CAMK4: variants seen among roughly 807,000 people sequenced by gnomAD.
CAMK4 encodes the protein calcium/calmodulin-dependent protein kinase type IV.
CAMK4 carries 22 observed loss-of-function variants against 44.9 expected under a neutral mutation model. The observed-to-expected ratio is 0.49, with a 90% CI of 0.35 to 0.70. CAMK4 has a LOEUF of 0.70. Among genes scored for constraint, CAMK4 ranks in the 30% least tolerant of loss-of-function variants. The pLI is 0.01. For synonymous variants in CAMK4, 218 were observed against 215.4 expected (o/e 1.01, Z -0.11); for missense variants, 498 against 586.8 (o/e 0.85, Z 1.56).
At chr5:111,454,099 A>G in intron 7 of CAMK4, among the ~76,000 whole-genome samples, 1 of 152,300 alleles carries the variant, frequency 6.6e-6, no homozygotes, top group South Asian at 2.1e-4. Flanking sequence ...AATATATATA[A>G]AGAAAAATTT....
chr5:111,411,238 A>G (rs1752621447), intron 5 of CAMK4, among the ~76,000 whole-genome samples: 1 of 152,196 alleles, frequency 6.6e-6, no homozygotes, highest in Admixed American at 6.5e-5. Flanking sequence ...AGCATCCAGC[A>G]TCTTATTTTA....
At chr5:111,348,429 G>A (rs1749954665) in intron 2 of CAMK4, among the ~76,000 whole-genome samples, 1 of 151,806 alleles carries the variant, frequency 6.6e-6, no homozygotes, top group African/African-American at 2.4e-5. Flanking sequence ...TTAGATAACT[G>A]GATACTATGG....
intron 1 of CAMK4, among the ~76,000 whole-genome samples, chr5:111,240,259 A>G (rs1436904302): frequency 6.6e-6 from 1 of 152,066 alleles, no homozygotes; most frequent in African/African-American, 2.4e-5. Flanking sequence ...AATCACTGCA[A>G]CTTACCTGTG....
chr5:111,480,433 T>A (rs941131556), intron 9 of CAMK4, among the ~76,000 whole-genome samples: 8 of 152,124 alleles, frequency 5.3e-5, no homozygotes, highest in Non-Finnish European at 7.4e-5. Flanking sequence ...CCCCAGTTCA[T>A]AACAGTCATC....
At chr5:111,228,015 G>T (rs1368411702) in intron 1 of CAMK4, among the ~76,000 whole-genome samples, 3 of 152,314 alleles carry the variant, frequency 2.0e-5, no homozygotes, top group Middle Eastern at 3.4e-3. Flanking sequence ...ATCCCGCCCA[G>T]TGGTTTGGCA....
At chr5:111,467,668 G>T (rs765813192) in intron 7 of CAMK4, among the ~76,000 whole-genome samples, 1 of 152,108 alleles carries the variant, frequency 6.6e-6, no homozygotes, top group African/African-American at 2.4e-5. Context: ...CCTTACTCCT[G>T]CAAGAATGGC....
chr5:111,473,061 A>G (rs956653273), intron 7 of CAMK4, among the ~76,000 whole-genome samples: 3 of 152,152 alleles, frequency 2.0e-5, no homozygotes, highest in African/African-American at 7.2e-5. Context: ...GAGCAGTATC[A>G]TGATATTCTG....
chr5:111,251,398 G>C (rs1749485185), intron 1 of CAMK4, among the ~76,000 whole-genome samples: 1 of 152,104 alleles, frequency 6.6e-6, no homozygotes, highest in African/African-American at 2.4e-5. Context: ...GGGTGTCCAG[G>C]TTGGTCTTAG....
intron 5 of CAMK4, among the ~76,000 whole-genome samples, chr5:111,428,967 C>G (rs1003280024): frequency 2.6e-5 from 4 of 152,086 alleles, no homozygotes; most frequent in African/African-American, 9.7e-5. Flanking sequence ...CATGACATAT[C>G]AAAACCTATG....
chr5:111,350,318 A>G (rs1470588716), intron 2 of CAMK4, among the ~76,000 whole-genome samples: 1 of 152,076 alleles, frequency 6.6e-6, no homozygotes, highest in African/African-American at 2.4e-5. Flanking sequence ...ATATAATTTT[A>G]ATGTTCTCAT....
At chr5:111,474,372 C>G (rs1026376146) in intron 8 of CAMK4, among the ~76,000 whole-genome samples, 1 of 152,190 alleles carries the variant, frequency 6.6e-6, no homozygotes, top group African/African-American at 2.4e-5. Flanking sequence ...GCTGAGGGCC[C>G]TCTCTTGGCT....
Position 111,224,521 on chromosome 5 carries a change from C to T in CAMK4, c.38C>T (p.Ser13Phe). ...KVTVPSCSAS[S>F]CSSVTASAAP... ...ACGGTGCCCTCCTGCTCCGCCTCGT[C>T]CTGCTCTTCGGTCACCGCCAGTGCG... Residue 13 changes from serine to phenylalanine, a missense_variant, in exon 1 of 11, where the codon TCC becomes TTC. By Grantham distance (155) the Ser-to-Phe change is radical. Around this residue, in one of 3 missense-constraint regions of CAMK4, gnomAD observed 152 missense variants for 143.7 expected, o/e 1.06. Transcript: ENST00000282356. The surrounding 1 kb of genome is among the most constrained non-coding windows in gnomAD (Gnocchi z 5.7). 1 of 1,611,390 alleles carries T rather than the reference C, an allele frequency of 6.2e-7. No homozygotes were observed. The highest frequency in any genetic ancestry group is 1.7e-5 in the Admixed American group (1 of 59,914).
intron 4 of CAMK4, among the ~76,000 whole-genome samples, chr5:111,382,615 T>C (rs1430781210): frequency 6.6e-6 from 1 of 152,170 alleles, no homozygotes; most frequent in African/African-American, 2.4e-5. Context: ...TACTATTTAA[T>C]CATTAGAGCA....
At chr5:111,262,018 G>T (rs1289305679) in intron 1 of CAMK4, among the ~76,000 whole-genome samples, 1 of 151,942 alleles carries the variant, frequency 6.6e-6, no homozygotes, top group Non-Finnish European at 1.5e-5. Flanking sequence ...GAGGTCTTAG[G>T]TCTGCAGAGT....
At chr5:111,372,072 A>G (rs114658112) in intron 2 of CAMK4, among the ~76,000 whole-genome samples, 1,764 of 152,320 alleles carry the variant, frequency 0.012, 39 homozygotes, top group African/African-American at 0.04. Context: ...GGTTACTAGT[A>G]AATGGTCAAA....
chr5:111,253,748 T>C (rs752472364), intron 1 of CAMK4, among the ~76,000 whole-genome samples: 1 of 152,304 alleles, frequency 6.6e-6, no homozygotes, highest in Non-Finnish European at 1.5e-5. Flanking sequence ...AGGCTTTTCT[T>C]TCATTTTTCA....
At position 111,224,915 on chromosome 5, in the gene CAMK4, C is replaced by G. The variant is rs1410060423; in HGVS notation, c.161+271C>G. 1.3e-5 allele frequency among the ~76,000 whole-genome samples: 2 copies of G among 150,842 alleles called. No homozygotes were observed. Among genetic ancestry groups the G allele is most frequent in the African/African-American group, 4.9e-5 (2 of 41,222 alleles). On this transcript the variant is annotated intron_variant, in intron 1 of 10. Coordinates refer to ENST00000282356, the MANE Select transcript of CAMK4 (RefSeq NM_001744.6). The surrounding 1 kb of genome is among the most constrained non-coding windows in gnomAD (Gnocchi z 5.7). Reference sequence around the variant, plus strand: ...GCAGGCTGCCACTTCCCTTGGGTGACAGCTCCCACCGCACGTGGGCCCTGC... The same window carrying G: ...GCAGGCTGCCACTTCCCTTGGGTGAGAGCTCCCACCGCACGTGGGCCCTGC...
chr5:111,439,101 T>C (rs931397177), intron 5 of CAMK4, among the ~76,000 whole-genome samples: 6 of 152,144 alleles, frequency 3.9e-5, no homozygotes, highest in East Asian at 3.8e-4. Context: ...TTCATTCTTT[T>C]AGGGTATCTT....
intron 1 of CAMK4, among the ~76,000 whole-genome samples, chr5:111,243,490 A>C (rs1317347340): frequency 6.6e-6 from 1 of 152,200 alleles, no homozygotes; most frequent in Non-Finnish European, 1.5e-5. Context: ...AGCCTGACTA[A>C]AGTTTTGTCA....
Sources: gnomAD v4.1 joint callset for allele counts (sites outside exome capture counted in the v4.1 genomes callset) on GRCh38, gnomAD v4.1.1 for gene constraint, gnomAD v4.1.1 regional missense constraint, Gnocchi (gnomAD v3.1) non-coding constraint, MANE v1.5 for transcripts, NCBI Gene and HGNC (gene_info 2026-07-23, HGNC 2026-07-21) for gene names.